The following WT1 variants were observed in gnomAD, a reference collection of about 807,000 sequenced individuals.
WT1 encodes the protein WT1 transcription factor.
Under a neutral mutation model 60.8 loss-of-function variants are expected in WT1, and 8 were observed. That is an observed-to-expected ratio of 0.13 (90% CI 0.08 to 0.24). WT1 has a LOEUF of 0.24. Among genes scored for constraint, WT1 ranks in the 10% least tolerant of loss-of-function variants. The pLI is 1.00. For missense variants in WT1, 568 were observed against 711.8 expected (o/e 0.80, Z 2.30); for synonymous variants, 312 against 297.1 (o/e 1.05, Z -0.52).
At chr11:32,399,751 C>T (rs943785079) in intron 6 of WT1, among the ~76,000 whole-genome samples, 197 bp downstream of exon 6, 2 of 152,220 alleles carry the variant, frequency 1.3e-5, no homozygotes, top group African/African-American at 4.8e-5. Context: ...CGTCAGGCAG[C>T]GGGGCAGCCT....
chr11:32,435,427 GGGT>G lies in WT1; in HGVS notation c.-70_-68del. 2.9e-6 allele frequency: 1 copy of G among 345,956 alleles called. No individual in the cohort carries two copies. Among genetic ancestry groups the G allele is most frequent in the Admixed American group, 3.6e-5 (1 of 28,004 alleles). The allele number at this position is 345,956 out of a possible 1,614,324, so 21.4% of individuals were successfully genotyped here. On this transcript the variant is annotated 5_prime_UTR_variant, in exon 1 of 10. Transcript: ENST00000452863. ...CCGTCCCGGCTCTGGGTGGGTGGGT[GGGT>G]GAATGAGTAGGTGGGAGGGAGGGCG...
chr11:32,420,456 T>C (rs529928688), intron 3 of WT1, among the ~76,000 whole-genome samples: 1 of 152,364 alleles, frequency 6.6e-6, no homozygotes, highest in East Asian at 1.9e-4. Context: ...TAATATACTT[T>C]AATTACTTTA....
chr11:32,394,439 T>C (rs567548474), intron 7 of WT1, among the ~76,000 whole-genome samples: 1 of 152,334 alleles, frequency 6.6e-6, no homozygotes, highest in South Asian at 2.1e-4. Context: ...CTGTCTCTGA[T>C]TTAGTACATG....
intron 5 of WT1, among the ~76,000 whole-genome samples, chr11:32,403,567 T>C (rs1440100660): frequency 6.9e-6 from 1 of 145,648 alleles, no homozygotes; most frequent in Non-Finnish European, 1.5e-5. Context: ...ACTGAATGAA[T>C]ATTACTTTTT....
chr11:32,414,203 T>A (rs901023504), intron 5 of WT1, among the ~76,000 whole-genome samples: 16 of 152,216 alleles, frequency 1.1e-4, no homozygotes, highest in African/African-American at 3.9e-4. Context: ...TGTTGGGCCA[T>A]CTAGCCCTTT....
At chr11:32,428,953 A>G in intron 1 of WT1, 1 of 397,632 alleles carries the variant, frequency 2.5e-6, no homozygotes, top group Non-Finnish European at 4.8e-6. Flanking sequence ...TGCCTGATCG[A>G]CAGAGAAGGT....
At chr11:32,422,181 C>T (rs1355162282) in intron 3 of WT1, among the ~76,000 whole-genome samples, 1 of 152,226 alleles carries the variant, frequency 6.6e-6, no homozygotes, top group Non-Finnish European at 1.5e-5. Flanking sequence ...TTCTGCCCAG[C>T]AGGCCATAAT....
At chr11:32,430,856 C>T (rs1853281757) in intron 1 of WT1, 2 of 1,233,858 alleles carry the variant, frequency 1.6e-6, no homozygotes, top group South Asian at 3.2e-5. Flanking sequence ...AGAAGCTTAT[C>T]GGACACGGGT....
At chr11:32,408,456 G>A (rs1366464515) in intron 5 of WT1, among the ~76,000 whole-genome samples, 3 of 148,396 alleles carry the variant, frequency 2.0e-5, no homozygotes, top group Non-Finnish European at 4.5e-5. Flanking sequence ...TGGAGGTTGC[G>A]GTGAGCCAAG....
At chr11:32,407,904 A>G (rs1590358997) in intron 5 of WT1, among the ~76,000 whole-genome samples, 1 of 152,064 alleles carries the variant, frequency 6.6e-6, no homozygotes, top group African/African-American at 2.4e-5. Context: ...AAAAAAAGAA[A>G]CCCAAATCGA....
At chr11:32,403,676 G>C (rs1215987684) in intron 5 of WT1, among the ~76,000 whole-genome samples, 1 of 148,254 alleles carries the variant, frequency 6.7e-6, no homozygotes, top group Non-Finnish European at 1.5e-5. Context: ...CTGGGTTCAC[G>C]CCATTCTCCT....
At chr11:32,414,572 G>T (rs1471488657) in intron 5 of WT1, among the ~76,000 whole-genome samples, 1 of 152,186 alleles carries the variant, frequency 6.6e-6, no homozygotes, top group African/African-American at 2.4e-5. Flanking sequence ...ACCATGCCAG[G>T]CCAAGAAATA....
chr11:32,413,349 C>T (rs1852561646), intron 5 of WT1, among the ~76,000 whole-genome samples: 2 of 152,266 alleles, frequency 1.3e-5, no homozygotes, highest in Non-Finnish European at 2.9e-5. Context: ...CTGAATTTGT[C>T]TTCATGGAAT....
chr11:32,413,442 G>A (rs1316041858), intron 5 of WT1, among the ~76,000 whole-genome samples: 1 of 152,148 alleles, frequency 6.6e-6, no homozygotes. Context: ...AAAGAACAAT[G>A]ACCCCAACCC....
At chr11:32,430,785 G>A (rs934884062) in intron 1 of WT1, 1 of 1,314,816 alleles carries the variant, frequency 7.6e-7, no homozygotes, top group African/African-American at 1.5e-5. Flanking sequence ...TCTCCTTCAG[G>A]TCCCCCCGGG....
intron 6 of WT1, among the ~76,000 whole-genome samples, chr11:32,397,348 AT>A (rs1242637197): frequency 6.6e-6 from 1 of 152,100 alleles, no homozygotes; most frequent in East Asian, 1.9e-4. Flanking sequence ...ACAGGATCTT[AT>A]TCTGTTGTCC....
intron 4 of WT1, among the ~76,000 whole-genome samples, chr11:32,417,102 G>T (rs1218389860): frequency 6.6e-6 from 1 of 151,996 alleles, no homozygotes; most frequent in Non-Finnish European, 1.5e-5. Flanking sequence ...TATTATGGTT[G>T]TATTATCAAG....
In WT1 at chr11:32,388,725, TA is replaced by T; in HGVS notation, c.*332del. The T allele has an allele frequency of 1.0e-5, 4 of 400,544 alleles. No individual in the cohort carries two copies. Among genetic ancestry groups the T allele is most frequent in the African/African-American group, 2.0e-5 (1 of 50,942 alleles). The allele number at this position is 400,544 out of a possible 1,614,324, so 24.8% of individuals were successfully genotyped here. On this transcript the variant is annotated 3_prime_UTR_variant, in exon 10 of 10. Transcript: ENST00000452863. The stretch of plus-strand genomic sequence containing the variant: ...ATTCCATCCCCAGCGAAAACGAGCA[TA>T]AAAAAAGAAGGGAAGGGTCAGGGGG...
intron 1 of WT1, chr11:32,428,953 A>T (rs1419943050): frequency 2.5e-6 from 1 of 397,632 alleles, no homozygotes; most frequent in East Asian, 5.4e-5. Context: ...TGCCTGATCG[A>T]CAGAGAAGGT....
Sources: gnomAD v4.1 joint callset for allele counts (sites outside exome capture counted in the v4.1 genomes callset) on GRCh38, gnomAD v4.1.1 for gene constraint, MANE v1.5 for transcripts, NCBI Gene and HGNC (gene_info 2026-07-23, HGNC 2026-07-21) for gene names.